The following STC2 variants were observed in gnomAD, a reference collection of about 807,000 sequenced individuals.
STC2 encodes stanniocalcin-2.
STC2 carries 7 observed loss-of-function variants against 22.7 expected under a neutral mutation model. The observed-to-expected ratio is 0.31, with a 90% CI of 0.18 to 0.58. STC2 has a LOEUF of 0.58. STC2 is among the 20% of genes least tolerant of loss of function. The pLI is 0.89. For missense variants in STC2, 336 were observed against 406.2 expected (o/e 0.83, Z 1.48); for synonymous variants, 158 against 163.4 (o/e 0.97, Z 0.25).
At chr5:173,321,682 C>T (rs1432617948) in intron 3 of STC2, among the ~76,000 whole-genome samples, 2 of 152,174 alleles carry the variant, frequency 1.3e-5, no homozygotes, top group Non-Finnish European at 2.9e-5. Context: ...AGTCCGAGTT[C>T]TCTAATCTCT....
Position 173,328,290 on chromosome 5 carries a change from C to G in STC2, c.-97G>C. On this transcript the variant is annotated 5_prime_UTR_variant, in exon 1 of 4. Coordinates refer to ENST00000265087, the MANE Select transcript of STC2 (RefSeq NM_003714.3). ...CTCCTTCGCCGCTTCCCCTCCTCCT[C>G]CCACTCTTCCTTTTTGCTCGCCTTT... The G allele has an allele frequency of 7.8e-7, 1 of 1,287,380 alleles. No homozygotes were observed. Among genetic ancestry groups the G allele is most frequent in the Admixed American group, 2.9e-5 (1 of 34,742 alleles). The allele number at this position is 1,287,380 out of a possible 1,614,324, so 79.7% of individuals were successfully genotyped here. A position where few individuals can be genotyped will look rare whatever the true frequency, so the allele number is the denominator to read the frequency against.
chr5:173,319,519 G>A (rs1188614424), intron 3 of STC2, among the ~76,000 whole-genome samples: 1 of 152,228 alleles, frequency 6.6e-6, no homozygotes, highest in Non-Finnish European at 1.5e-5. Context: ...CCTAAGTCTG[G>A]GCCACCAGAG....
chr5:173,328,034 T>G lies in STC2; in HGVS notation c.151+9A>C. 1 of 1,509,882 alleles carries G rather than the reference T, an allele frequency of 6.6e-7. No homozygotes were observed. The highest frequency in any genetic ancestry group is 8.9e-7 in the Non-Finnish European group (1 of 1,125,570). 93.5% of individuals were successfully genotyped at this position (1,509,882 alleles called of 1,614,324 possible). A position where few individuals can be genotyped will look rare whatever the true frequency, so the allele number is the denominator to read the frequency against. The stretch of plus-strand genomic sequence containing the variant: ...AGTAGCTCCCGGCTGCGGGGGCACA[T>G]GCACTTACCTGTATTCTGCAGGGAC... On this transcript the variant is annotated intron_variant, in intron 1 of 3. Coordinates refer to ENST00000265087, the MANE Select transcript of STC2 (RefSeq NM_003714.3).
rs977062203 is a variant in STC2 at position 173,314,931 on chromosome 5, T to C, written c.*2916A>G. The stretch of plus-strand genomic sequence containing the variant: ...TTCCATGCTATTTCCGTGAAGCCTT[T>C]TGCTTGGTTCGAGTTTAAATTTCTC... On this transcript the variant is annotated 3_prime_UTR_variant, in exon 4 of 4. Coordinates refer to ENST00000265087, the MANE Select transcript of STC2 (RefSeq NM_003714.3). This position sits in a 1 kb window ranked among gnomAD's most constrained non-coding sequence, Gnocchi z 4.6. 6.6e-6 allele frequency: 1 copy of C among 152,192 alleles called. No homozygotes were observed. The highest frequency in any genetic ancestry group is 2.4e-5 in the African/African-American group (1 of 41,442). 9.4% of individuals were successfully genotyped at this position (152,192 alleles called of 1,614,324 possible).
intron 3 of STC2, 90 bp from the exon 4 acceptor site, chr5:173,318,339 C>T (rs1762451181): frequency 2.4e-6 from 3 of 1,269,120 alleles, no homozygotes. Flanking sequence ...CCACAGAGGG[C>T]AGGGGCAATG....
rs763092739 is a variant in STC2, at chr5:173,317,940, G to A, written c.816C>T (p.Ala272=). 16 of 1,613,366 alleles carry A rather than the reference G, an allele frequency of 9.9e-6. No individual in the cohort carries two copies. Among genetic ancestry groups the A allele is most frequent in the African/African-American group, 2.7e-5 (2 of 74,924 alleles). The part of the protein sequence containing the change: ...RGSKSHPNAH[A]RGRVGGLGAQ... ...CCCCAAGGCCCCCGACTCTGCCTCG[G>A]GCATGGGCGTTTGGGTGGCTCTTGC... Residue 272 remains alanine (A), a synonymous_variant, in exon 4 of 4, where the codon GCC becomes GCT. Transcript: ENST00000265087.
chr5:173,321,498 T>C, intron 3 of STC2, among the ~76,000 whole-genome samples: 1 of 152,006 alleles, frequency 6.6e-6, no homozygotes. Context: ...CCTTGTGTAA[T>C]GGGGATATAT....
chr5:173,318,853 G>A (rs1198938346), intron 3 of STC2, among the ~76,000 whole-genome samples: 1 of 152,206 alleles, frequency 6.6e-6, no homozygotes, highest in Non-Finnish European at 1.5e-5. Context: ...GTTATTGGAT[G>A]CATTTCCTCT....
intron 3 of STC2, among the ~76,000 whole-genome samples, chr5:173,319,263 C>A (rs374711848): frequency 6.6e-6 from 1 of 152,152 alleles, no homozygotes; most frequent in Non-Finnish European, 1.5e-5. Context: ...AAAGAGTGTC[C>A]CCAGCAATGG....
rs994254725 is a variant in STC2 at position 173,321,486 on chromosome 5, C to A, written c.506+1733G>T. Among the ~76,000 whole-genome samples the A allele has an allele frequency of 2.4e-4, 30 of 124,614 alleles. 4 individuals are homozygous for A. In the Admixed American group the frequency reaches 2.7e-3, roughly 11 times the overall value. The allele number at this position is 124,614 out of a possible 152,430, so 81.8% of individuals were successfully genotyped here. A position where few individuals can be genotyped will look rare whatever the true frequency, so the allele number is the denominator to read the frequency against. ...TGAAGGAAGGGAATTTTAGAGTGTT[C>A]TCCTTGTGTAATGGGGATATATTTG... On this transcript the variant is annotated intron_variant, in intron 3 of 3. Coordinates refer to ENST00000265087, the MANE Select transcript of STC2 (RefSeq NM_003714.3).
intron 3 of STC2, 51 bp from the exon 4 acceptor site, chr5:173,318,300 G>GAGAGAGAGAGAGAGAGAGAGAA (rs67125584): frequency 1.5e-6 from 2 of 1,346,182 alleles, no homozygotes; most frequent in African/African-American, 3.0e-5. Context: ...GAGAGAGAGA[G>GAGAGAGAGAGAGAGAGAGAGAA]GCTGGGAATG....
At chr5:173,327,703 G>C (rs1429366571) in intron 1 of STC2, among the ~76,000 whole-genome samples, 1 of 152,256 alleles carries the variant, frequency 6.6e-6, no homozygotes, top group Non-Finnish European at 1.5e-5. Flanking sequence ...CGTGCCGGCC[G>C]GGATGAAGCG....
At chr5:173,321,304 T>G (rs1762483206) in intron 3 of STC2, among the ~76,000 whole-genome samples, 1 of 152,170 alleles carries the variant, frequency 6.6e-6, no homozygotes, top group African/African-American at 2.4e-5. Context: ...ATTCCTGTGC[T>G]CCAGGCATGC....
In STC2 at chr5:173,323,323, C is replaced by T. The variant is rs765021377; in HGVS notation, c.402G>A (p.Gln134=). 4 of 1,614,128 alleles carry T rather than the reference C, an allele frequency of 2.5e-6. No individual in the cohort carries two copies. The highest frequency in any genetic ancestry group is 2.7e-5 in the African/African-American group (2 of 74,942). The change falls in exon 3 of 4, where the codon CAG becomes CAA. Residue 134 remains glutamine (Q), a synonymous_variant. Coordinates refer to ENST00000265087, the MANE Select transcript of STC2 (RefSeq NM_003714.3). This position sits in a 1 kb window ranked among gnomAD's most constrained non-coding sequence, Gnocchi z 5.4. ...GCTTGAGGTAGCATTCCCGCTGCAA[C>T]TGGGACACCATTTCCCTGATGGCCG... ...KCPAIREMVS[Q]LQRECYLKHD...
At chr5:173,320,587 C>T (rs1182028767) in intron 3 of STC2, among the ~76,000 whole-genome samples, 1 of 151,900 alleles carries the variant, frequency 6.6e-6, no homozygotes, top group Non-Finnish European at 1.5e-5. Context: ...GGGGGTAAAA[C>T]CAGGCAGGCG....
rs367684710 is a variant in STC2 at position 173,328,218 on chromosome 5, G to C, written c.-25C>G. 6 of 1,435,310 alleles carry C rather than the reference G, an allele frequency of 4.2e-6. No individual in the cohort carries two copies. Among genetic ancestry groups the C allele is most frequent in the South Asian group, 1.6e-5 (1 of 61,604 alleles). 88.9% of individuals were successfully genotyped at this position (1,435,310 alleles called of 1,614,324 possible). ...TGGTTCTTGGTATTAACCTCCCGTCGGGAGACCTGGATCCTTTGTGCTCCC... is the reference window on the plus strand; with the variant it reads ...TGGTTCTTGGTATTAACCTCCCGTCCGGAGACCTGGATCCTTTGTGCTCCC... On this transcript the variant is annotated 5_prime_UTR_variant, in exon 1 of 4. Coordinates refer to ENST00000265087, the MANE Select transcript of STC2 (RefSeq NM_003714.3).
At position 173,317,819 on chromosome 5, in the gene STC2, G is replaced by A. The variant is rs747747040; in HGVS notation, c.*28C>T. The A allele has an allele frequency of 3.3e-6, 5 of 1,527,588 alleles. No individual in the cohort carries two copies. The South Asian group carries it at 5.1e-5, about 16-fold the overall frequency. 94.6% of individuals were successfully genotyped at this position (1,527,588 alleles called of 1,614,324 possible). ...AGATAAGAAAATGGACGGCGTGGAG[G>A]AAAGATTTCGTGGCCAGGCCTTTCA... On this transcript the variant is annotated 3_prime_UTR_variant, in exon 4 of 4. Transcript: ENST00000265087.
chr5:173,318,135 G>T lies in STC2; in HGVS notation c.621C>A (p.Ile207=). ...GGATGGCCGAGGTGCAGAAGCTCAA[G>T]ATGGAGCACAGGCTTCCCCAGTTCT... The part of the protein sequence containing the change: ...CEQNWGSLCS[I]LSFCTSAIQK... The change falls in exon 4 of 4, where the codon ATC becomes ATA. Residue 207 remains isoleucine (I), a synonymous_variant. Transcript: ENST00000265087. The T allele has an allele frequency of 6.2e-7, 1 of 1,610,378 alleles. No individual in the cohort carries two copies. The highest frequency in any genetic ancestry group is 2.2e-5 in the East Asian group (1 of 44,790).
At position 173,316,227 on chromosome 5, in the gene STC2, G is replaced by A. The variant is rs1469402340; in HGVS notation, c.*1620C>T. 2 of 152,178 alleles carry A rather than the reference G, an allele frequency of 1.3e-5. No homozygotes were observed. The highest frequency in any genetic ancestry group is 2.9e-5 in the Non-Finnish European group (2 of 68,038). 9.4% of individuals were successfully genotyped at this position (152,178 alleles called of 1,614,324 possible). A position where few individuals can be genotyped will look rare whatever the true frequency, so the allele number is the denominator to read the frequency against. The stretch of plus-strand genomic sequence containing the variant: ...GGAAGGGAGCCAAGCCCTCTCGTTT[G>A]TGTGTTGTCTATGGCTGCTTTTGTG... On this transcript the variant is annotated 3_prime_UTR_variant, in exon 4 of 4. Transcript: ENST00000265087.
Sources: allele counts gnomAD v4.1 joint callset (sites outside exome capture counted in the v4.1 genomes callset), GRCh38; gene constraint gnomAD v4.1.1; non-coding constraint Gnocchi (gnomAD v3.1); transcripts MANE v1.5; gene names NCBI Gene and HGNC (gene_info 2026-07-23, HGNC 2026-07-21).